Variants in CDH12 observed in about 807,000 individuals in gnomAD.
CDH12 encodes the protein cadherin 12, also known as cadherin-12.
CDH12 carries 41 observed loss-of-function variants against 74.1 expected under a neutral mutation model. The ratio of observed to expected loss-of-function variants is 0.55; its 90% CI spans 0.43 to 0.72. CDH12 has a LOEUF of 0.72. Ranked by LOEUF, CDH12 falls within the 30% of genes least tolerant of loss-of-function variation. The pLI, the probability that CDH12 is intolerant of heterozygous loss-of-function variation, is 0.00. For synonymous variants in CDH12, 399 were observed against 355.0 expected (o/e 1.12, Z -1.39); for missense variants, 945 against 977.2 (o/e 0.97, Z 0.44).
chr5:22,331,266 G>A (rs774259110), intron 3 of CDH12, among the ~76,000 whole-genome samples: 48 of 152,170 alleles, frequency 3.2e-4, no homozygotes, highest in Non-Finnish European at 5.1e-4. Context: ...CTTAGGCAAG[G>A]CATAGTGCTG....
chr5:22,251,249 T>C (rs966492366), intron 3 of CDH12, among the ~76,000 whole-genome samples: 1 of 152,150 alleles, frequency 6.6e-6, no homozygotes, highest in Non-Finnish European at 1.5e-5. Flanking sequence ...CTGCAGAGAA[T>C]GCAGGGGAAG....
rs1017832856 is a variant in CDH12 at position 21,760,761 on chromosome 5, G to A, written c.1516-86C>T. 7.1e-5 allele frequency: 57 copies of A among 799,054 alleles called. No individual in the cohort carries two copies. In the African/African-American group the frequency reaches 8.8e-4, roughly 12 times the overall value. The allele number at this position is 799,054 out of a possible 1,614,324, so 49.5% of individuals were successfully genotyped here. A position where few individuals can be genotyped will look rare whatever the true frequency, so the allele number is the denominator to read the frequency against. On this transcript the variant is annotated intron_variant, in intron 12 of 14. Coordinates refer to ENST00000382254, the MANE Select transcript of CDH12 (RefSeq NM_004061.5). ...CTACTAAATGTATTTAATGAAGCAT[G>A]CAAGTAGACAGAAATGGCACTTTTT...
chr5:22,614,635 T>TA (rs1737596674), intron 1 of CDH12, among the ~76,000 whole-genome samples: 2 of 152,108 alleles, frequency 1.3e-5, no homozygotes, highest in African/African-American at 4.8e-5. Flanking sequence ...TTGACATAGA[T>TA]ATAGCAAAGG....
At chr5:22,694,569 T>A (rs1742249775) in intron 1 of CDH12, among the ~76,000 whole-genome samples, 1 of 152,130 alleles carries the variant, frequency 6.6e-6, no homozygotes, top group East Asian at 1.9e-4. Context: ...TGGTTTCTTA[T>A]AAATTTTTTT....
At chr5:22,546,101 C>A (rs775271823) in intron 1 of CDH12, among the ~76,000 whole-genome samples, 1 of 152,030 alleles carries the variant, frequency 6.6e-6, no homozygotes, top group Admixed American at 6.6e-5. Context: ...CCCACCACCA[C>A]GCCTGGCTTA....
chr5:21,822,708 T>G (rs538133704), intron 8 of CDH12, among the ~76,000 whole-genome samples: 229 of 152,262 alleles, frequency 1.5e-3, no homozygotes, highest in African/African-American at 5.4e-3. Context: ...TATTTGGCAC[T>G]AGAGCTTCAC....
intron 4 of CDH12, among the ~76,000 whole-genome samples, chr5:22,097,666 C>T (rs1052102773): frequency 6.6e-6 from 1 of 152,068 alleles, no homozygotes; most frequent in Non-Finnish European, 1.5e-5. Flanking sequence ...ACCTCACTGC[C>T]ACCTTTTCCC....
chr5:22,832,924 T>G (rs1342134065), intron 1 of CDH12, among the ~76,000 whole-genome samples: 1 of 152,178 alleles, frequency 6.6e-6, no homozygotes, highest in Non-Finnish European at 1.5e-5. Flanking sequence ...CATTCAGGTG[T>G]TTTTATTTAA....
In CDH12 at chr5:21,755,816, T is replaced by C. The variant is rs768022961; in HGVS notation, c.1660A>G (p.Arg554Gly). ...TGCTGCCTGCGGCTGTATCCATTTC[T>C]TCGGGTTTCAATCCCCGCTGTGTTG... ...RNNTAGIETR[R>G]NGYSRRQQEL... Residue 554 changes from arginine (R) to glycine (G), a missense_variant, in exon 14 of 15, where the codon AGA becomes GGA. Physicochemically the swap from Arg to Gly is moderately radical, Grantham distance 125. Around this residue, in one of 3 missense-constraint regions of CDH12, gnomAD observed 791 missense variants for 792.8 expected, o/e 1.00. Coordinates refer to ENST00000382254, the MANE Select transcript of CDH12 (RefSeq NM_004061.5). The C allele has an allele frequency of 6.2e-7, 1 of 1,614,136 alleles. No homozygotes were observed. Among genetic ancestry groups the C allele is most frequent in the Non-Finnish European group, 8.5e-7 (1 of 1,179,976 alleles).
chr5:21,901,895 T>A (rs1186525902), intron 6 of CDH12, among the ~76,000 whole-genome samples: 1 of 144,762 alleles, frequency 6.9e-6, no homozygotes, highest in Admixed American at 7.3e-5. Flanking sequence ...ATTTGCTGTG[T>A]TATAATTATG....
At chr5:22,581,352 G>A (rs899933928) in intron 1 of CDH12, among the ~76,000 whole-genome samples, 2 of 152,236 alleles carry the variant, frequency 1.3e-5, no homozygotes, top group African/African-American at 4.8e-5. Flanking sequence ...GCTTCAGACA[G>A]TGCAAGTCTC....
At chr5:22,133,764 TA>T (rs1746305875) in intron 4 of CDH12, among the ~76,000 whole-genome samples, 1 of 151,972 alleles carries the variant, frequency 6.6e-6, no homozygotes, top group Admixed American at 6.6e-5. Flanking sequence ...TATACATAAT[TA>T]AACTTATACC....
At chr5:22,252,414 T>C (rs757995934) in intron 3 of CDH12, among the ~76,000 whole-genome samples, 2 of 151,984 alleles carry the variant, frequency 1.3e-5, no homozygotes, top group African/African-American at 4.8e-5. Flanking sequence ...AAGTAAGAGA[T>C]TAGAGGTTGG....
chr5:22,285,311 A>G (rs1297421657), intron 3 of CDH12, among the ~76,000 whole-genome samples: 1 of 151,500 alleles, frequency 6.6e-6, no homozygotes, highest in African/African-American at 2.4e-5. Flanking sequence ...GACATAAAAA[A>G]TAAGTTAAGA....
At chr5:22,046,510 C>T (rs1739968738) in intron 5 of CDH12, among the ~76,000 whole-genome samples, 1 of 145,974 alleles carries the variant, frequency 6.9e-6, no homozygotes, top group Admixed American at 6.9e-5. Context: ...TGGCTCACTG[C>T]AAGCTCTGCC....
chr5:22,351,904 TGAA>T (rs985115377), intron 3 of CDH12, among the ~76,000 whole-genome samples: 2 of 152,090 alleles, frequency 1.3e-5, no homozygotes, highest in African/African-American at 4.8e-5. Context: ...TAGTAGTAAT[TGAA>T]GAAAAAAATA....
In CDH12 at chr5:22,032,629, A is replaced by T. The variant is rs529146545; in HGVS notation, c.231+45817T>A. Among the ~76,000 whole-genome samples, 1,056 of 151,176 alleles carry T rather than the reference A, an allele frequency of 7.0e-3. 5 individuals carry two copies. Among genetic ancestry groups the T allele is most frequent in the Non-Finnish European group, 0.011 (763 of 67,848 alleles). ...GGGAAGCTGAGGCAGAATTGCATGA[A>T]CCCAGAAGGTGCAGGTTGCAGTGAG... On this transcript the variant is annotated intron_variant, in intron 5 of 14. Coordinates refer to ENST00000382254, the MANE Select transcript of CDH12 (RefSeq NM_004061.5).
rs548245676 is a variant in CDH12, at chr5:22,343,231, A to G, written c.-333+62026T>C. Among the ~76,000 whole-genome samples, 61 of 150,488 alleles carry G rather than the reference A, an allele frequency of 4.1e-4. 1 individual carries two copies. Among genetic ancestry groups the G allele is most frequent in the Admixed American group, 1.8e-3 (27 of 15,074 alleles). On this transcript the variant is annotated intron_variant, in intron 3 of 14. Transcript: ENST00000382254. ...TACTCCCAATCTTCCATCCATCAGA[A>G]TTTTTTAAGTTTACATCAGACAAAA...
intron 4 of CDH12, among the ~76,000 whole-genome samples, chr5:22,135,891 T>C (rs982599584): frequency 5.3e-5 from 8 of 151,994 alleles, no homozygotes; most frequent in African/African-American, 1.7e-4. Context: ...AGCAATGTTT[T>C]GTGTCCTGAG....
Sources: gnomAD v4.1 joint callset for allele counts (sites outside exome capture counted in the v4.1 genomes callset) on GRCh38, gnomAD v4.1.1 for gene constraint, gnomAD v4.1.1 regional missense constraint, MANE v1.5 for transcripts, NCBI Gene and HGNC (gene_info 2026-07-23, HGNC 2026-07-21) for gene names.